The following RNF157 variants were observed in gnomAD, a reference collection of about 807,000 sequenced individuals.
RNF157 encodes the protein E3 ubiquitin ligase RNF157.
In RNF157, 55 loss-of-function variants were observed where a neutral mutation model predicts 88.3. That is an observed-to-expected ratio of 0.62 (90% CI 0.50 to 0.78). The LOEUF (loss-of-function observed/expected upper bound fraction) is 0.78. RNF157 is among the 30% of genes least tolerant of loss of function. The probability of loss-of-function intolerance (pLI) is 0.00; values close to 1 mark genes in which losing one functional copy is unlikely to be tolerated. For missense variants in RNF157, 788 were observed against 860.8 expected (o/e 0.92, Z 1.06); for synonymous variants, 334 against 341.2 (o/e 0.98, Z 0.23).
Position 76,161,246 on chromosome 17 carries a change from G to A in RNF157, c.1065+289C>T, listed in dbSNP as rs1183180717. Among the ~76,000 whole-genome samples the A allele has an allele frequency of 2.6e-5, 4 of 151,970 alleles. No homozygotes were observed. Among genetic ancestry groups the A allele is most frequent in the Admixed American group, 2.6e-4 (4 of 15,256 alleles). Reference sequence around the variant, plus strand: ...ATAATCGTCCCATTGTTTCTGCCTGGGGGAGTTCAAGTTGAACCTCACTGG... The same window carrying A: ...ATAATCGTCCCATTGTTTCTGCCTGAGGGAGTTCAAGTTGAACCTCACTGG... On this transcript the variant is annotated intron_variant, in intron 11 of 18. Coordinates refer to ENST00000269391, the MANE Select transcript of RNF157 (RefSeq NM_052916.3). The surrounding 1 kb of genome is among the most constrained non-coding windows in gnomAD (Gnocchi z 4.6).
rs141101268 is a variant in RNF157 at position 76,142,658 on chromosome 17, G to T, written c.*2577C>A. Reference sequence around the variant, plus strand: ...GACCAAAGCAAAGTGAGCGACCAGCGTGCTAAACTCCAGGTGGGCAGGACC... The same window carrying T: ...GACCAAAGCAAAGTGAGCGACCAGCTTGCTAAACTCCAGGTGGGCAGGACC... On this transcript the variant is annotated 3_prime_UTR_variant, in exon 19 of 19. Transcript: ENST00000269391. 241 of 152,624 alleles carry T rather than the reference G, an allele frequency of 1.6e-3. 1 individual carries two copies. The highest frequency in any genetic ancestry group is 3.3e-3 in the Middle Eastern group (1 of 300). The allele number at this position is 152,624 out of a possible 1,614,324, so 9.5% of individuals were successfully genotyped here.
At chr17:76,197,528 C>G (rs1374360353) in intron 2 of RNF157, among the ~76,000 whole-genome samples, 1 of 152,064 alleles carries the variant, frequency 6.6e-6, no homozygotes, top group African/African-American at 2.4e-5. Context: ...AGAAATAAAG[C>G]CAGCTATGAT....
chr17:76,229,845 CAA>C (rs1173656252), intron 1 of RNF157, among the ~76,000 whole-genome samples: 1 of 149,882 alleles, frequency 6.7e-6, no homozygotes, highest in Non-Finnish European at 1.5e-5. Flanking sequence ...AGTGAAGAGT[CAA>C]AAAAAGAAAA....
intron 3 of RNF157, among the ~76,000 whole-genome samples, chr17:76,169,524 G>T (rs533828442): frequency 4.0e-4 from 60 of 150,742 alleles, no homozygotes; most frequent in African/African-American, 1.4e-3. Context: ...CTCCTGTTTT[G>T]GCCTCCCAAA....
Position 76,231,218 on chromosome 17 carries a change from C to T in RNF157, c.88+8935G>A, listed in dbSNP as rs572902015. On this transcript the variant is annotated intron_variant, in intron 1 of 18. Coordinates refer to ENST00000269391, the MANE Select transcript of RNF157 (RefSeq NM_052916.3). ...TTCACCGTGTTAGCCAGGATGGTCT[C>T]GATCTCCTGACCTCATGATCCGCCC... Among the ~76,000 whole-genome samples, 8 of 152,244 alleles carry T rather than the reference C, an allele frequency of 5.3e-5. No individual in the cohort carries two copies. The East Asian group carries it at 9.7e-4, about 18-fold the overall frequency.
intron 2 of RNF157, among the ~76,000 whole-genome samples, chr17:76,204,561 A>T (rs1484843310): frequency 6.6e-6 from 1 of 152,200 alleles, no homozygotes; most frequent in Non-Finnish European, 1.5e-5. Flanking sequence ...GACTAACAGA[A>T]TCATGTTCTC....
At chr17:76,220,124 A>T (rs2069955440) in intron 1 of RNF157, among the ~76,000 whole-genome samples, 1 of 152,118 alleles carries the variant, frequency 6.6e-6, no homozygotes, top group Non-Finnish European at 1.5e-5. Flanking sequence ...GTAAGTCTGC[A>T]AAAGTCATTC....
chr17:76,213,918 T>C (rs544559257), intron 1 of RNF157, among the ~76,000 whole-genome samples: 17 of 152,336 alleles, frequency 1.1e-4, no homozygotes, highest in African/African-American at 2.9e-4. Context: ...AGAGACGGCA[T>C]AGAAGCTCTG....
At chr17:76,152,683 T>C (rs964446848) in intron 17 of RNF157, 3 of 488,174 alleles carry the variant, frequency 6.1e-6, no homozygotes, top group African/African-American at 5.9e-5. Flanking sequence ...TAGAGCCCTT[T>C]CTGTCTGCTG....
At chr17:76,182,129 G>C (rs56897111) in intron 2 of RNF157, among the ~76,000 whole-genome samples, 2,568 of 152,156 alleles carry the variant, frequency 0.017, 77 homozygotes, top group African/African-American at 0.059. Context: ...GGACTGGGCT[G>C]CTGTGTCTGT....
In RNF157 at chr17:76,162,288, A is replaced by G. The variant is rs2144839053; in HGVS notation, c.792+264T>C. 5.2e-6 allele frequency: 3 copies of G among 581,614 alleles called. No individual in the cohort carries two copies. The East Asian group carries it at 8.7e-5, about 17-fold the overall frequency. 36.0% of individuals were successfully genotyped at this position (581,614 alleles called of 1,614,324 possible). A position where few individuals can be genotyped will look rare whatever the true frequency, so the allele number is the denominator to read the frequency against. ...CAGCTGAAGGGACTTAGGGGATCAC[A>G]CAGATAAAGGAAAAGGAGCAAAGAA... On this transcript the variant is annotated intron_variant, in intron 9 of 18. Transcript: ENST00000269391.
chr17:76,236,574 G>C (rs1461871674), intron 1 of RNF157, among the ~76,000 whole-genome samples: 1 of 152,114 alleles, frequency 6.6e-6, no homozygotes, highest in Non-Finnish European at 1.5e-5. Context: ...ATGTAGAAAT[G>C]CTATACAGAA....
intron 3 of RNF157, among the ~76,000 whole-genome samples, chr17:76,171,038 G>A (rs1473331995): frequency 2.0e-5 from 3 of 151,870 alleles, no homozygotes; most frequent in African/African-American, 7.3e-5. Context: ...GATTACAGGT[G>A]CCTGCCACCA....
chr17:76,166,812 T>A (rs1162921822), intron 5 of RNF157, among the ~76,000 whole-genome samples, 197 bp downstream of exon 5: 1 of 152,146 alleles, frequency 6.6e-6, no homozygotes, highest in African/African-American at 2.4e-5. Flanking sequence ...TCCTAGGGAA[T>A]GGAAAAATTA....
rs570123674 is a variant in RNF157 at position 76,173,235 on chromosome 17, G to A, written c.296+467C>T. ...CTGGAGATGGAGCGTGCAGTGAGCCGAGATTGCGCCACTGCACTCCAGCCT... is the reference window on the plus strand; with the variant it reads ...CTGGAGATGGAGCGTGCAGTGAGCCAAGATTGCGCCACTGCACTCCAGCCT... On this transcript the variant is annotated intron_variant, in intron 3 of 18. Transcript: ENST00000269391. 9.2e-5 allele frequency among the ~76,000 whole-genome samples: 14 copies of A among 151,884 alleles called. No homozygotes were observed. The East Asian group carries it at 1.5e-3, about 17-fold the overall frequency.
intron 2 of RNF157, among the ~76,000 whole-genome samples, chr17:76,191,679 TG>T (rs2069389278): frequency 6.8e-6 from 1 of 148,042 alleles, no homozygotes; most frequent in Non-Finnish European, 1.5e-5. Context: ...AAGGCTGACG[TG>T]GGAGGACTGC....
At chr17:76,217,335 A>C (rs373460814) in intron 1 of RNF157, among the ~76,000 whole-genome samples, 128 of 152,170 alleles carry the variant, frequency 8.4e-4, no homozygotes, top group South Asian at 5.8e-3. Context: ...AGGAAAAATA[A>C]ATTTACTTAT....
intron 2 of RNF157, 25 bp downstream of exon 2, chr17:76,212,339 A>T: frequency 6.8e-7 from 1 of 1,467,654 alleles, no homozygotes; most frequent in Non-Finnish European, 9.5e-7. Flanking sequence ...AGCTCCAAGT[A>T]GGAGTAAACT....
chr17:76,153,804 CGA>C (rs1423980690), intron 17 of RNF157: 1 of 154,570 alleles, frequency 6.5e-6, no homozygotes, highest in Admixed American at 6.4e-5. Context: ...TCTGCCGGCC[CGA>C]GAGTCCTCTT....
Sources: allele counts gnomAD v4.1 joint callset (sites outside exome capture counted in the v4.1 genomes callset), GRCh38; gene constraint gnomAD v4.1.1; non-coding constraint Gnocchi (gnomAD v3.1); transcripts MANE v1.5; gene names NCBI Gene and HGNC (gene_info 2026-07-23, HGNC 2026-07-21).